Variants in NREP observed in about 807,000 individuals in gnomAD.
NREP encodes the protein neuronal regeneration-related protein.
NREP carries 5 observed loss-of-function variants against 8.6 expected under a neutral mutation model. The observed-to-expected ratio is 0.58, with a 90% confidence interval of 0.30 to 1.22. The LOEUF (loss-of-function observed/expected upper bound fraction) is 1.22. Among genes scored for constraint, NREP ranks in the 50% most tolerant of loss-of-function variants. NREP has a pLI of 0.07. For missense variants in NREP, 86 were observed against 82.5 expected, an observed-to-expected ratio of 1.04 and a Z score of -0.17; for synonymous variants, 27 against 28.0, an observed-to-expected ratio of 0.96 and a Z score of 0.11.
chr5:111,964,461 T>TGTTCAAGCAATCCTCCTGC (rs1190494433), intron 2 of NREP, among the ~76,000 whole-genome samples: 2 of 152,138 alleles, frequency 1.3e-5, no homozygotes, highest in African/African-American at 4.8e-5. Flanking sequence ...TCGCCTCCTG[T>TGTTCAAGCAATCCTCCTGC]GTTCAAGCAA....
chr5:111,946,553 T>A (rs995181518), intron 2 of NREP, among the ~76,000 whole-genome samples: 7 of 152,010 alleles, frequency 4.6e-5, no homozygotes, highest in Admixed American at 4.6e-4. Context: ...TCACATGGGA[T>A]TGGTCATTTC....
chr5:111,975,712 C>T (rs1010109151), intron 1 of NREP, among the ~76,000 whole-genome samples: 1 of 152,108 alleles, frequency 6.6e-6, no homozygotes, highest in African/African-American at 2.4e-5. Context: ...TTTTCAAATG[C>T]CATATTTTCC....
intron 2 of NREP, among the ~76,000 whole-genome samples, chr5:111,919,767 A>C (rs912221790): frequency 6.6e-6 from 1 of 151,928 alleles, no homozygotes; most frequent in Non-Finnish European, 1.5e-5. Flanking sequence ...GAAATAACTA[A>C]TGTAGATGAC....
At chr5:111,819,676 C>G (rs951970691) in intron 2 of NREP, among the ~76,000 whole-genome samples, 1 of 152,160 alleles carries the variant, frequency 6.6e-6, no homozygotes, top group African/African-American at 2.4e-5. Flanking sequence ...ATGAATATAA[C>G]TTTGTGTTAT....
At chr5:111,735,642 C>T (rs1372609686) in intron 2 of NREP, 135 bp from the exon 3 acceptor site, 1 of 591,128 alleles carries the variant, frequency 1.7e-6, no homozygotes, top group Non-Finnish European at 3.0e-6. Context: ...ACTGGGGAAA[C>T]CATTAACTCT....
chr5:111,822,558 G>A (rs1752535303), intron 2 of NREP, among the ~76,000 whole-genome samples: 1 of 152,192 alleles, frequency 6.6e-6, no homozygotes, highest in South Asian at 2.1e-4. Flanking sequence ...CTTCATCTCT[G>A]TTCCTATTAG....
chr5:111,854,903 G>A (rs936422865), intron 2 of NREP, among the ~76,000 whole-genome samples: 50 of 151,988 alleles, frequency 3.3e-4, no homozygotes, highest in African/African-American at 1.1e-3. Context: ...CAGTTTTTAC[G>A]TAAATAATAT....
intron 2 of NREP, among the ~76,000 whole-genome samples, chr5:111,883,308 C>T (rs1754139618): frequency 6.6e-6 from 1 of 152,070 alleles, no homozygotes; most frequent in Admixed American, 6.5e-5. Flanking sequence ...TACAGGAGCA[C>T]CCAGATTCAC....
chr5:111,883,072 C>T lies in NREP; in HGVS notation c.135+92202G>A, dbSNP rs572713427. 1.5e-3 allele frequency among the ~76,000 whole-genome samples: 227 copies of T among 152,304 alleles called. 1 individual carries two copies. Among genetic ancestry groups the T allele is most frequent in the Non-Finnish European group, 2.5e-3 (168 of 68,040 alleles). On this transcript the variant is annotated intron_variant, in intron 2 of 3. Transcript: ENST00000395634. ...TCAAGACCCATCAGTGTGCTGTATTCAGGAAAGCCATCTCACGTGCAGAGA... is the reference window on the plus strand; with the variant it reads ...TCAAGACCCATCAGTGTGCTGTATTTAGGAAAGCCATCTCACGTGCAGAGA...
intron 2 of NREP, among the ~76,000 whole-genome samples, chr5:111,873,699 T>C (rs1026836427): frequency 1.1e-4 from 17 of 152,192 alleles, no homozygotes; most frequent in Admixed American, 8.5e-4. Context: ...CCTACCCAAA[T>C]AATCCAGGAT....
At chr5:111,955,912 A>C (rs1001679453) in intron 2 of NREP, among the ~76,000 whole-genome samples, 11 of 141,602 alleles carry the variant, frequency 7.8e-5, no homozygotes, top group East Asian at 2.2e-4. Flanking sequence ...AAAAAAAAAA[A>C]ACAAAAACGT....
At chr5:111,967,537 T>G (rs1756678127) in intron 2 of NREP, among the ~76,000 whole-genome samples, 1 of 152,228 alleles carries the variant, frequency 6.6e-6, no homozygotes, top group Non-Finnish European at 1.5e-5. Flanking sequence ...ATTTTTCACT[T>G]TTATGATTTT....
rs766209864 is a variant in NREP, at chr5:111,735,542, A to G, written c.4-35T>C. On this transcript the variant is annotated intron_variant, in intron 2 of 3. Transcript: ENST00000257435. ...CACAAAAGCATACACATTCAGATTA[A>G]AAACAGGATCCACTCTGAAACTACA... 150 of 1,484,908 alleles carry G rather than the reference A, an allele frequency of 1.0e-4. No homozygotes were observed. In the South Asian group the frequency reaches 1.6e-3, roughly 16 times the overall value. The allele number at this position is 1,484,908 out of a possible 1,614,324, so 92.0% of individuals were successfully genotyped here. A position where few individuals can be genotyped will look rare whatever the true frequency, so the allele number is the denominator to read the frequency against.
chr5:111,735,305 G>C (rs114814837), intron 3 of NREP, 125 bp downstream of exon 3: 3 of 583,486 alleles, frequency 5.1e-6, no homozygotes, highest in Non-Finnish European at 9.1e-6. Context: ...GGTCATCATA[G>C]TATCAGATTA....
intron 2 of NREP, among the ~76,000 whole-genome samples, chr5:111,941,265 A>C (rs10063079): frequency 0.51 from 77,873 of 151,982 alleles, 20,945 homozygotes; most frequent in African/African-American, 0.65. Flanking sequence ...TAGAGTATAA[A>C]ACCTGGGTGA....
Position 111,932,293 on chromosome 5 carries a change from G to C in NREP, c.135+42981C>G, listed in dbSNP as rs181199592. On this transcript the variant is annotated intron_variant, in intron 2 of 3. Coordinates refer to the NREP transcript ENST00000395634. ...GTTGTACCAAACACATGGAAATATG[G>C]GTGTGGATGAGAAAGAGCTCATCAC... Among the ~76,000 whole-genome samples the C allele has an allele frequency of 3.7e-4, 57 of 152,004 alleles. No individual in the cohort carries two copies. In the East Asian group the frequency reaches 8.0e-3, roughly 21 times the overall value.
At chr5:111,889,361 G>T (rs1754339625) in intron 2 of NREP, among the ~76,000 whole-genome samples, 1 of 152,136 alleles carries the variant, frequency 6.6e-6, no homozygotes, top group African/African-American at 2.4e-5. Flanking sequence ...CAAGAAGGTG[G>T]CACTAAACCA....
chr5:111,869,608 C>T (rs1011118478), intron 2 of NREP, among the ~76,000 whole-genome samples: 12 of 152,110 alleles, frequency 7.9e-5, no homozygotes, highest in Non-Finnish European at 1.5e-4. Context: ...GCTCTACTGT[C>T]AGACAGGTCT....
chr5:111,952,240 A>T (rs1028453422), intron 2 of NREP, among the ~76,000 whole-genome samples: 3 of 151,954 alleles, frequency 2.0e-5, no homozygotes, highest in African/African-American at 7.3e-5. Context: ...TGCATCACCT[A>T]AGAGCCGTCT....
Sources: gnomAD v4.1 joint callset for allele counts (sites outside exome capture counted in the v4.1 genomes callset) on GRCh38, gnomAD v4.1.1 for gene constraint, MANE v1.5 for transcripts, NCBI Gene and HGNC (gene_info 2026-07-23, HGNC 2026-07-21) for gene names.